The following PAPPA2 variants were observed in gnomAD, a reference collection of about 807,000 sequenced individuals.
PAPPA2 encodes pappalysin-2.
In PAPPA2, 86 loss-of-function variants were observed where a neutral mutation model predicts 176.4. The observed-to-expected ratio is 0.49, with a 90% CI of 0.41 to 0.58. The LOEUF (loss-of-function observed/expected upper bound fraction) is 0.58, where lower values mean the gene tolerates loss of function less well. Among genes scored for constraint, PAPPA2 ranks in the 20% least tolerant of loss-of-function variants. The pLI, the probability that PAPPA2 is intolerant of heterozygous loss-of-function variation, is 0.00. For missense variants in PAPPA2, 2,073 were observed against 2,256.9 expected, an observed-to-expected ratio of 0.92 and a Z score of 1.65; for synonymous variants, 809 against 852.2, an observed-to-expected ratio of 0.95 and a Z score of 0.88.
At chr1:176,499,035 T>C (rs1326308660) in intron 1 of PAPPA2, among the ~76,000 whole-genome samples, 1 of 152,160 alleles carries the variant, frequency 6.6e-6, no homozygotes, top group African/African-American at 2.4e-5. Flanking sequence ...TTTCTCTAAC[T>C]GGCAACTAAG....
Position 176,595,076 on chromosome 1 carries a change from T to G in PAPPA2, c.1472T>G (p.Leu491Arg), listed in dbSNP as rs1327154308. The change falls in exon 3 of 23, where the codon CTG (leucine) becomes CGG (arginine). Residue 491 changes from leucine (L) to arginine (R), a missense_variant. Physicochemically the swap from Leu to Arg is moderately radical, Grantham distance 102. This residue lies in a region of PAPPA2 where 1,196 missense variants were observed against 1,330.4 expected (regional missense o/e 0.90). Coordinates refer to ENST00000367662, the MANE Select transcript of PAPPA2 (RefSeq NM_020318.3). The stretch of plus-strand genomic sequence containing the variant: ...GGCTTTGAGCCAGAGCCTGAGATTC[T>G]GTCGCCTTTGCAGCCCCCACTCTGT... The part of the protein sequence containing the change: ...LQGFEPEPEI[L>R]SPLQPPLCGQ... 1 of 1,614,062 alleles carries G rather than the reference T, an allele frequency of 6.2e-7. No individual in the cohort carries two copies. Among genetic ancestry groups the G allele is most frequent in the Non-Finnish European group, 8.5e-7 (1 of 1,180,038 alleles).
chr1:176,755,739 G>A (rs979522692), intron 14 of PAPPA2, among the ~76,000 whole-genome samples: 2 of 152,082 alleles, frequency 1.3e-5, no homozygotes, highest in African/African-American at 4.8e-5. Context: ...TGGATTAGGG[G>A]CACTGACCTC....
intron 1 of PAPPA2, among the ~76,000 whole-genome samples, chr1:176,512,170 C>T (rs1037666385): frequency 1.7e-5 from 2 of 119,352 alleles, no homozygotes; most frequent in Admixed American, 1.0e-4. Context: ...TCGGGAAAAG[C>T]AATTAAAACC....
intron 21 of PAPPA2, among the ~76,000 whole-genome samples, chr1:176,825,170 T>C (rs549225695): frequency 6.6e-6 from 1 of 152,330 alleles, no homozygotes; most frequent in South Asian, 2.1e-4. Context: ...TTTGGATTGA[T>C]CCATCACTAA....
chr1:176,731,936 T>C (rs1662178418), intron 12 of PAPPA2, among the ~76,000 whole-genome samples: 1 of 152,144 alleles, frequency 6.6e-6, no homozygotes, highest in African/African-American at 2.4e-5. Flanking sequence ...TTAAACCTCA[T>C]TGTTTATCAG....
At position 176,699,384 on chromosome 1, in the gene PAPPA2, C is replaced by G. The variant is rs377225381; in HGVS notation, c.3031C>G (p.Leu1011Val). 1 of 1,614,036 alleles carries G rather than the reference C, an allele frequency of 6.2e-7. No homozygotes were observed. The highest frequency in any genetic ancestry group is 8.5e-7 in the Non-Finnish European group (1 of 1,180,016). ...TFCDIPLTIK[L>V]HVDGKVSGVK... ...CTGTGACATCCCACTCACCATCAAA[C>G]TGCACGTGGATGGGAAGGTGTCGGG... The change falls in exon 8 of 23, where the codon CTG becomes GTG. Residue 1011 changes from leucine to valine, a missense_variant. Physicochemically the swap from Leu to Val is conservative, Grantham distance 32. Around this residue, in one of 4 missense-constraint regions of PAPPA2, gnomAD observed 1,196 missense variants for 1,330.4 expected, o/e 0.90. Coordinates refer to ENST00000367662, the MANE Select transcript of PAPPA2 (RefSeq NM_020318.3).
chr1:176,794,145 A>G (rs1665317877), intron 20 of PAPPA2, among the ~76,000 whole-genome samples: 1 of 152,210 alleles, frequency 6.6e-6, no homozygotes, highest in Non-Finnish European at 1.5e-5. Context: ...TGCCTGACTT[A>G]TAGAATAATA....
At chr1:176,509,847 A>AAAAC (rs1298186031) in intron 1 of PAPPA2, among the ~76,000 whole-genome samples, 2 of 146,442 alleles carry the variant, frequency 1.4e-5, no homozygotes, top group Admixed American at 6.8e-5. Flanking sequence ...TACAAAAAAC[A>AAAAC]AAACAAACAA....
At chr1:176,480,555 G>T (rs1388444598) in intron 1 of PAPPA2, among the ~76,000 whole-genome samples, 2 of 152,132 alleles carry the variant, frequency 1.3e-5, no homozygotes, top group Non-Finnish European at 2.9e-5. Context: ...GGCTGGAAGG[G>T]CCAGGTGGGG....
chr1:176,541,688 C>T (rs963316417), intron 1 of PAPPA2, among the ~76,000 whole-genome samples: 4 of 152,202 alleles, frequency 2.6e-5, no homozygotes, highest in African/African-American at 9.6e-5. Flanking sequence ...GATATAAACA[C>T]TTTAACGAGA....
At chr1:176,799,583 T>C (rs1482385086) in intron 20 of PAPPA2, among the ~76,000 whole-genome samples, 2 of 152,196 alleles carry the variant, frequency 1.3e-5, no homozygotes, top group African/African-American at 2.4e-5. Context: ...TCTTATAATC[T>C]AGCATTTCTG....
chr1:176,691,850 A>G (rs1320055010), intron 5 of PAPPA2, among the ~76,000 whole-genome samples: 1 of 152,210 alleles, frequency 6.6e-6, no homozygotes, highest in Non-Finnish European at 1.5e-5. Flanking sequence ...TGAATAAGCA[A>G]CCATCAGCTC....
intron 3 of PAPPA2, among the ~76,000 whole-genome samples, chr1:176,643,165 A>C (rs1657194925): frequency 6.6e-6 from 1 of 151,908 alleles, no homozygotes. Context: ...AGAGTTAATT[A>C]TTACTTTATG....
Position 176,789,953 on chromosome 1 carries a change from C to A in PAPPA2, c.4860C>A (p.Leu1620=), listed in dbSNP as rs1665104469. The change falls in exon 18 of 23, where the codon CTC becomes CTA. Residue 1620 remains leucine (L), a synonymous_variant. Transcript: ENST00000367662. The stretch of plus-strand genomic sequence containing the variant: ...TCAGCCTGGACAGCCAGTGTGTGCT[C>A]AACTGTAACCAGGAACGTGAAAAGG... ...NGFSLDSQCV[L]NCNQEREKLP... 2 of 1,614,050 alleles carry A rather than the reference C, an allele frequency of 1.2e-6. No homozygotes were observed. Among genetic ancestry groups the A allele is most frequent in the Non-Finnish European group, 1.7e-6 (2 of 1,179,990 alleles).
intron 1 of PAPPA2, among the ~76,000 whole-genome samples, chr1:176,501,934 G>A (rs957116619): frequency 5.3e-5 from 8 of 152,124 alleles, no homozygotes; most frequent in Admixed American, 1.3e-4. Flanking sequence ...TGGTTCAGTG[G>A]CATAGTTGCT....
intron 1 of PAPPA2, among the ~76,000 whole-genome samples, chr1:176,528,551 C>T (rs1364729236): frequency 6.6e-6 from 1 of 152,172 alleles, no homozygotes; most frequent in African/African-American, 2.4e-5. Flanking sequence ...CATAGTGGCC[C>T]CAAACACTGA....
chr1:176,525,432 A>G (rs1430181504), intron 1 of PAPPA2, among the ~76,000 whole-genome samples: 1 of 152,228 alleles, frequency 6.6e-6, no homozygotes, highest in Non-Finnish European at 1.5e-5. Context: ...ATATAATTAC[A>G]AAGAAGTTAA....
intron 2 of PAPPA2, among the ~76,000 whole-genome samples, chr1:176,593,998 A>T (rs1653808213): frequency 6.6e-6 from 1 of 152,176 alleles, no homozygotes; most frequent in Non-Finnish European, 1.5e-5. Context: ...CATCTTCTCT[A>T]AAAAGACTCC....
At chr1:176,718,529 A>G (rs1004116539) in intron 12 of PAPPA2, among the ~76,000 whole-genome samples, 3 of 151,992 alleles carry the variant, frequency 2.0e-5, no homozygotes, top group Admixed American at 6.6e-5. Context: ...AAGGCCATAA[A>G]TTTCCTTTTA....
Sources: allele counts gnomAD v4.1 joint callset (sites outside exome capture counted in the v4.1 genomes callset), GRCh38; gene constraint gnomAD v4.1.1; regional missense constraint gnomAD v4.1.1; transcripts MANE v1.5; gene names NCBI Gene and HGNC (gene_info 2026-07-23, HGNC 2026-07-21).